GRIN2B: variants seen among roughly 807,000 people sequenced by gnomAD.
The protein encoded by GRIN2B is glutamate ionotropic receptor NMDA type subunit 2B.
GRIN2B carries 5 observed loss-of-function variants against 114.5 expected under a neutral mutation model. That is an observed-to-expected ratio of 0.04 (90% CI 0.02 to 0.09). The LOEUF (loss-of-function observed/expected upper bound fraction) is 0.09, where lower values mean the gene tolerates loss of function less well. Ranked by LOEUF, GRIN2B falls within the 10% of genes least tolerant of loss-of-function variation. The probability of loss-of-function intolerance (pLI) is 1.00; values close to 1 mark genes in which losing one functional copy is unlikely to be tolerated. For synonymous variants in GRIN2B, 787 were observed against 745.1 expected, an observed-to-expected ratio of 1.06 and a Z score of -0.92; for missense variants, 1,108 against 1,943.5, an observed-to-expected ratio of 0.57 and a Z score of 8.08.
At chr12:13,882,316 C>T (rs1367573737) in intron 2 of GRIN2B, among the ~76,000 whole-genome samples, 3 of 152,176 alleles carry the variant, frequency 2.0e-5, no homozygotes, top group Admixed American at 2.0e-4. Context: ...TGCTCGGAAG[C>T]TCTCTGGAAT....
At chr12:13,782,084 G>A (rs1469446110) in intron 3 of GRIN2B, among the ~76,000 whole-genome samples, 1 of 152,132 alleles carries the variant, frequency 6.6e-6, no homozygotes, top group Non-Finnish European at 1.5e-5. Context: ...CAGAGTTATG[G>A]GCTAGACTTT....
chr12:13,629,924 G>C (rs562663592), intron 5 of GRIN2B, among the ~76,000 whole-genome samples: 1 of 152,246 alleles, frequency 6.6e-6, no homozygotes, highest in East Asian at 1.9e-4. Context: ...CCCTTGGCTG[G>C]ACTAAGGGGT....
At chr12:13,692,029 G>A (rs1424931252) in intron 4 of GRIN2B, among the ~76,000 whole-genome samples, 1 of 152,160 alleles carries the variant, frequency 6.6e-6, no homozygotes. Flanking sequence ...ATTCAGGAAG[G>A]TCTCAGGATG....
chr12:13,843,337 T>C (rs1865418167), intron 3 of GRIN2B, among the ~76,000 whole-genome samples: 1 of 152,050 alleles, frequency 6.6e-6, no homozygotes, highest in South Asian at 2.1e-4. Flanking sequence ...GACAACTGTG[T>C]CTGCATCAAG....
chr12:13,569,193 A>G (rs554298030), intron 12 of GRIN2B, among the ~76,000 whole-genome samples: 9 of 152,182 alleles, frequency 5.9e-5, no homozygotes, highest in Non-Finnish European at 5.9e-5. Context: ...TCTCCCTGCC[A>G]TCTTTCAGCT....
intron 3 of GRIN2B, among the ~76,000 whole-genome samples, chr12:13,795,625 G>A (rs57429149): frequency 0.044 from 6,665 of 152,226 alleles, 213 homozygotes; most frequent in African/African-American, 0.09. Context: ...ATAAAGACAC[G>A]TGCATATGTA....
At chr12:13,783,741 G>C (rs1864165138) in intron 3 of GRIN2B, among the ~76,000 whole-genome samples, 1 of 152,124 alleles carries the variant, frequency 6.6e-6, no homozygotes, top group Non-Finnish European at 1.5e-5. Flanking sequence ...GGAAAAGAGT[G>C]TGATGAAATT....
At chr12:13,757,019 C>G (rs914469878) in intron 3 of GRIN2B, among the ~76,000 whole-genome samples, 1 of 152,206 alleles carries the variant, frequency 6.6e-6, no homozygotes, top group Non-Finnish European at 1.5e-5. Context: ...TCATCCCCAA[C>G]TACATCCTTA....
chr12:13,627,413 A>T (rs1949578844), intron 5 of GRIN2B, among the ~76,000 whole-genome samples: 1 of 152,206 alleles, frequency 6.6e-6, no homozygotes. Context: ...TGGGGTTCTG[A>T]TGAAAATTAA....
chr12:13,903,127 ATTATT>A (rs547790599), intron 2 of GRIN2B, among the ~76,000 whole-genome samples: 192 of 152,098 alleles, frequency 1.3e-3, no homozygotes, highest in African/African-American at 4.5e-3. Flanking sequence ...TGTACCTTAT[ATTATT>A]TTGTGTTGAC....
intron 3 of GRIN2B, among the ~76,000 whole-genome samples, chr12:13,785,792 CTA>C (rs1864213880): frequency 6.6e-6 from 1 of 152,132 alleles, no homozygotes; most frequent in African/African-American, 2.4e-5. Context: ...GTTATGATTA[CTA>C]TTTTCCATAT....
At chr12:13,599,489 G>C (rs1345148513) in intron 10 of GRIN2B, among the ~76,000 whole-genome samples, 2 of 152,142 alleles carry the variant, frequency 1.3e-5, no homozygotes, top group African/African-American at 4.8e-5. Flanking sequence ...AAATTTCCAT[G>C]CTGCATTAAT....
At chr12:13,730,312 A>C (rs1863065795) in intron 4 of GRIN2B, among the ~76,000 whole-genome samples, 2 of 152,220 alleles carry the variant, frequency 1.3e-5, no homozygotes, top group Admixed American at 1.3e-4. Flanking sequence ...AATTATCAAT[A>C]ATTAATGTCA....
chr12:13,706,565 C>A (rs1423040706), intron 4 of GRIN2B, among the ~76,000 whole-genome samples: 1 of 152,096 alleles, frequency 6.6e-6, no homozygotes, highest in Non-Finnish European at 1.5e-5. Context: ...GTATGGACAG[C>A]AGTAGTCCCC....
intron 3 of GRIN2B, among the ~76,000 whole-genome samples, chr12:13,812,131 TAATC>T (rs1864741206): frequency 6.6e-6 from 1 of 152,168 alleles, no homozygotes; most frequent in East Asian, 1.9e-4. Context: ...AGTTTTGAGT[TAATC>T]AACCCCTCCA....
rs554258894 is a variant in GRIN2B at position 13,732,186 on chromosome 12, A to G, written c.1010+21131T>C. On this transcript the variant is annotated intron_variant, in intron 4 of 13. Coordinates refer to ENST00000609686, the MANE Select transcript of GRIN2B (RefSeq NM_000834.5). ...TTTTTTTTTTTGGATGAGAAAACAG[A>G]GCTGGAGAAAATAAATGACTTAATT... is the stretch of plus-strand genomic sequence containing the variant. Among the ~76,000 whole-genome samples, 16 of 152,112 alleles carry G rather than the reference A, an allele frequency of 1.1e-4. No individual in the cohort carries two copies. In the East Asian group the frequency reaches 3.1e-3, roughly 29 times the overall value.
intron 10 of GRIN2B, among the ~76,000 whole-genome samples, chr12:13,605,891 C>G (rs576762319): frequency 3.3e-5 from 5 of 152,122 alleles, no homozygotes; most frequent in Non-Finnish European, 7.4e-5. Context: ...ACTTAACAGC[C>G]AAGAAGGTCT....
At chr12:13,801,678 G>A (rs1240127389) in intron 3 of GRIN2B, among the ~76,000 whole-genome samples, 1 of 152,142 alleles carries the variant, frequency 6.6e-6, no homozygotes, top group Non-Finnish European at 1.5e-5. Context: ...CGATCCTAAG[G>A]TGTCACTCAG....
intron 2 of GRIN2B, among the ~76,000 whole-genome samples, chr12:13,975,705 A>G (rs542960296): frequency 6.6e-6 from 1 of 152,248 alleles, no homozygotes; most frequent in South Asian, 2.1e-4. Context: ...CACTACGCTA[A>G]GTACAAATGA....
Sources: gnomAD v4.1 joint callset for allele counts (sites outside exome capture counted in the v4.1 genomes callset) on GRCh38, gnomAD v4.1.1 for gene constraint, MANE v1.5 for transcripts, NCBI Gene and HGNC (gene_info 2026-07-23, HGNC 2026-07-21) for gene names.